The following ANK2 variants were observed in gnomAD, a reference collection of about 807,000 sequenced individuals.
ANK2 encodes ankyrin 2, also known as ankyrin-2.
ANK2 carries 83 observed loss-of-function variants against 360.5 expected under a neutral mutation model. That is an observed-to-expected ratio of 0.23 (90% confidence interval 0.19 to 0.28). The LOEUF (loss-of-function observed/expected upper bound fraction) is 0.28. Ranked by LOEUF, ANK2 falls within the 10% of genes least tolerant of loss-of-function variation. The pLI, the probability that ANK2 is intolerant of heterozygous loss-of-function variation, is 1.00. For missense variants in ANK2, 4,201 were observed against 4,795.7 expected (o/e 0.88, Z 3.66); for synonymous variants, 1,740 against 1,759.5 (o/e 0.99, Z 0.28).
intron 1 of ANK2, among the ~76,000 whole-genome samples, chr4:113,155,163 A>T (rs752918800): frequency 4.9e-4 from 74 of 152,202 alleles, no homozygotes; most frequent in Non-Finnish European, 1.1e-3. Context: ...ATACCATTTC[A>T]TTTACTACTG....
chr4:112,903,963 G>A lies in ANK2; in HGVS notation c.-39-492G>A, dbSNP rs1487275856. ...GTGTAGCTTCTGACATATTGTAGATGTTTAACAAATGGCAGTTATAAAAGG... is the reference window on the plus strand; with the variant it reads ...GTGTAGCTTCTGACATATTGTAGATATTTAACAAATGGCAGTTATAAAAGG... On this transcript the variant is annotated intron_variant, in intron 1 of 30. Coordinates refer to the ANK2 transcript ENST00000503271. 2.6e-5 allele frequency among the ~76,000 whole-genome samples: 4 copies of A among 152,278 alleles called. No individual in the cohort carries two copies. In the East Asian group the frequency reaches 5.8e-4, roughly 22 times the overall value.
chr4:113,272,613 A>AT, intron 14 of ANK2, among the ~76,000 whole-genome samples: 1 of 152,130 alleles, frequency 6.6e-6, no homozygotes, highest in Admixed American at 6.5e-5. Context: ...AAGACATCCT[A>AT]TTTTTTAACT....
At chr4:112,934,869 A>AGAG (rs1222577490) in intron 2 of ANK2, among the ~76,000 whole-genome samples, 1 of 152,210 alleles carries the variant, frequency 6.6e-6, no homozygotes, top group Non-Finnish European at 1.5e-5. Flanking sequence ...TAGGAAGGGC[A>AGAG]GAGGAGGGGA....
At chr4:112,771,345 C>T in the ANK2 span, among the ~76,000 whole-genome samples, 1 of 148,828 alleles carries the variant, frequency 6.7e-6, no homozygotes, top group African/African-American at 2.4e-5. Context: ...CTCGAACCCC[C>T]GATCTCAGGT....
the ANK2 span, chr4:112,789,017 T>C: frequency 0.27 from 137,897 of 517,422 alleles, 22,738 homozygotes; most frequent in East Asian, 0.58. Flanking sequence ...GGGCATGGAT[T>C]CTATGTAATA....
At chr4:112,896,732 C>T (rs2081871821) in intron 1 of ANK2, among the ~76,000 whole-genome samples, 2 of 152,144 alleles carry the variant, frequency 1.3e-5, no homozygotes, top group Admixed American at 6.5e-5. Flanking sequence ...GCTCAAACTG[C>T]CTGTTTTTTT....
chr4:113,353,313 C>T lies in ANK2; in HGVS notation c.4695C>T (p.Ile1565=), dbSNP rs758808130. 1.7e-5 allele frequency: 27 copies of T among 1,613,604 alleles called. No homozygotes were observed. The highest frequency in any genetic ancestry group is 2.2e-5 in the Non-Finnish European group (26 of 1,179,870). The change falls in exon 38 of 46, where the codon ATC becomes ATT. Residue 1565 remains isoleucine (I), a synonymous_variant. Transcript: ENST00000357077. The stretch of plus-strand genomic sequence containing the variant: ...AGGACTTAGAGAAAGTGAATGAAAT[C>T]CTGAGAAGTGGAACCTGCACAAGAG... ...VKEDLEKVNE[I]LRSGTCTRDE...
intron 2 of ANK2, among the ~76,000 whole-genome samples, chr4:113,020,687 A>C (rs944661335): frequency 6.6e-6 from 1 of 152,052 alleles, no homozygotes; most frequent in Non-Finnish European, 1.5e-5. Context: ...ATAGCCGGGC[A>C]TGGTGGCATG....
rs185388882 is a variant in ANK2, at chr4:112,877,150, G to A, written c.-39-27305G>A. On this transcript the variant is annotated intron_variant, in intron 1 of 30. Coordinates refer to the ANK2 transcript ENST00000503271. ...TGCAGTTCTCATTTCATTCTTTGTC[G>A]TTGCTATTTTACTTTATCATCTATT... Among the ~76,000 whole-genome samples, 103 of 151,966 alleles carry A rather than the reference G, an allele frequency of 6.8e-4. 1 individual carries two copies. The highest frequency in any genetic ancestry group is 2.1e-3 in the African/African-American group (88 of 41,424).
chr4:113,145,970 T>C, intron 1 of ANK2: 1 of 1,289,696 alleles, frequency 7.8e-7, no homozygotes, highest in Non-Finnish European at 1.0e-6. Flanking sequence ...ACTATGGCTG[T>C]AACAGTGAGG....
At chr4:113,051,891 A>G (rs995868133) in intron 1 of ANK2, among the ~76,000 whole-genome samples, 1 of 152,224 alleles carries the variant, frequency 6.6e-6, no homozygotes, top group Non-Finnish European at 1.5e-5. Context: ...GTCAATGGCA[A>G]TAACTTTCAG....
chr4:113,090,178 A>T (rs887702201), intron 1 of ANK2, among the ~76,000 whole-genome samples: 4 of 152,234 alleles, frequency 2.6e-5, no homozygotes, highest in Non-Finnish European at 5.9e-5. Context: ...GAGATTCCTC[A>T]GTTAAATCTC....
the ANK2 span, among the ~76,000 whole-genome samples, chr4:112,771,184 C>T: frequency 6.6e-6 from 1 of 152,314 alleles, no homozygotes; most frequent in Admixed American, 6.5e-5. Flanking sequence ...GCGATCTTGG[C>T]TTACCACGAC....
chr4:112,880,175 T>C (rs1033701818), intron 1 of ANK2: 1 of 152,200 alleles, frequency 6.6e-6, no homozygotes, highest in Non-Finnish European at 1.5e-5. Context: ...AAAATGAAAT[T>C]TGAAACCATC....
At chr4:112,984,474 A>C (rs2044186462) in intron 2 of ANK2, among the ~76,000 whole-genome samples, 1 of 152,182 alleles carries the variant, frequency 6.6e-6, no homozygotes, top group African/African-American at 2.4e-5. Context: ...ACTTACTATC[A>C]CAAGAATAGC....
intron 2 of ANK2, among the ~76,000 whole-genome samples, chr4:113,175,178 G>A (rs1181632214): frequency 1.3e-5 from 2 of 152,164 alleles, no homozygotes; most frequent in African/African-American, 4.8e-5. Context: ...TTGTGTGTAT[G>A]TGTTTGACAG....
intron 2 of ANK2, among the ~76,000 whole-genome samples, chr4:112,984,010 T>G (rs771161506): frequency 6.6e-6 from 1 of 152,220 alleles, no homozygotes; most frequent in Non-Finnish European, 1.5e-5. Flanking sequence ...ATAATAATGA[T>G]AATTTGACAT....
At chr4:112,733,007 A>G in the ANK2 span, among the ~76,000 whole-genome samples, 1 of 152,026 alleles carries the variant, frequency 6.6e-6, no homozygotes, top group Non-Finnish European at 1.5e-5. Flanking sequence ...TCACGAGGTC[A>G]GGAGTTCAAG....
intron 37 of ANK2, among the ~76,000 whole-genome samples, chr4:113,352,362 C>T (rs986191054): frequency 2.0e-5 from 3 of 152,146 alleles, no homozygotes; most frequent in African/African-American, 7.2e-5. Flanking sequence ...GGAGGTTGCT[C>T]CAAGGAAAGG....
Sources: gnomAD v4.1 joint callset for allele counts (sites outside exome capture counted in the v4.1 genomes callset) on GRCh38, gnomAD v4.1.1 for gene constraint, MANE v1.5 for transcripts, NCBI Gene and HGNC (gene_info 2026-07-23, HGNC 2026-07-21) for gene names.